The following B4GALNT3 variants were observed in gnomAD, a reference collection of about 807,000 sequenced individuals.
The protein encoded by B4GALNT3 is beta-1,4-N-acetylgalactosaminyltransferase 3.
Under a neutral mutation model 120.2 loss-of-function variants are expected in B4GALNT3, and 86 were observed. That is an observed-to-expected ratio of 0.72 (90% CI 0.60 to 0.86). The LOEUF (loss-of-function observed/expected upper bound fraction) is 0.86. B4GALNT3 is among the 40% of genes least tolerant of loss of function. B4GALNT3 has a pLI of 0.00. For synonymous variants in B4GALNT3, 518 were observed against 510.4 expected, an observed-to-expected ratio of 1.01 and a Z score of -0.20; for missense variants, 1,167 against 1,298.9, an observed-to-expected ratio of 0.90 and a Z score of 1.56.
At chr12:557,927 ACAT>A in intron 16 of B4GALNT3, 86 bp from the exon 17 acceptor site, 1 of 1,507,302 alleles carries the variant, frequency 6.6e-7, no homozygotes, top group Non-Finnish European at 9.2e-7. Flanking sequence ...CCAGGAGCAC[ACAT>A]CATCTCTCTT....
chr12:546,677 T>G lies in B4GALNT3; in HGVS notation c.671T>G (p.Phe224Cys). ...TGKEWTAPGE[F>C]GKFRSQISKP... is the part of the protein sequence containing the mutation. ...AAGGAGTGGACCGCCCCGGGAGAGT[T>G]TGGGAAATTTCGGAGCCAAATTTCC... The change falls in exon 7 of 20, where the codon TTT becomes TGT. Residue 224 changes from phenylalanine (F) to cysteine (C), a missense_variant. This residue lies in a region of B4GALNT3 where 983 missense variants were observed against 1,102.5 expected (regional missense o/e 0.89). Transcript: ENST00000266383. The G allele has an allele frequency of 6.4e-7, 1 of 1,551,530 alleles. No homozygotes were observed. The highest frequency in any genetic ancestry group is 2.4e-5 in the East Asian group (1 of 40,916).
intron 1 of B4GALNT3, among the ~76,000 whole-genome samples, chr12:511,754 T>TC (rs1443067607): frequency 3.3e-4 from 15 of 45,612 alleles, no homozygotes; most frequent in Admixed American, 4.2e-4. Flanking sequence ...CCTTCCACCT[T>TC]CTTCCACCTT....
At chr12:511,905 C>T (rs1262100208) in intron 1 of B4GALNT3, among the ~76,000 whole-genome samples, 1 of 128,820 alleles carries the variant, frequency 7.8e-6, no homozygotes. Context: ...CCACCTTCCG[C>T]CTTCGACCTT....
chr12:523,423 C>T (rs748124), intron 1 of B4GALNT3, among the ~76,000 whole-genome samples: 22,644 of 152,154 alleles, frequency 0.15, 2,685 homozygotes, highest in East Asian at 0.41. Flanking sequence ...ATTTATACAG[C>T]GAGAATCTAA....
intron 1 of B4GALNT3, among the ~76,000 whole-genome samples, chr12:477,394 C>T (rs1565588947): frequency 6.6e-6 from 1 of 152,312 alleles, no homozygotes; most frequent in South Asian, 2.1e-4. Context: ...GTTCCCAACT[C>T]AGCTGCCTTT....
At chr12:546,821 C>A in intron 7 of B4GALNT3, 108 bp downstream of exon 7, 1 of 1,123,822 alleles carries the variant, frequency 8.9e-7, no homozygotes, top group Non-Finnish European at 1.3e-6. Context: ...TCCGTGTGTC[C>A]GGCACCCACA....
chr12:553,110 C>G (rs12423080), intron 13 of B4GALNT3, 84 bp from the exon 14 acceptor site: 2 of 1,548,686 alleles, frequency 1.3e-6, no homozygotes, highest in East Asian at 4.5e-5. Flanking sequence ...GTGCGTCACA[C>G]GTATGATCAT....
intron 1 of B4GALNT3, among the ~76,000 whole-genome samples, chr12:528,785 T>C (rs1188623910): frequency 6.6e-6 from 1 of 152,188 alleles, no homozygotes; most frequent in Non-Finnish European, 1.5e-5. Context: ...TGCTTTTCCA[T>C]CCCAGGACTC....
In B4GALNT3 at chr12:548,215, C is replaced by G. The variant is rs750447539; in HGVS notation, c.787-16C>G. 11 of 1,613,504 alleles carry G rather than the reference C, an allele frequency of 6.8e-6. No individual in the cohort carries two copies. The Admixed American group carries it at 1.2e-4, about 17-fold the overall frequency. On this transcript the variant is annotated splice_polypyrimidine_tract_variant and intron_variant, in intron 8 of 19. Transcript: ENST00000266383. This position sits in a 1 kb window ranked among gnomAD's most constrained non-coding sequence, Gnocchi z 4.9. ...ACCTCCCACCTTCTGCATCTACCCT[C>G]TCTCTCCTCTTCCAGTGGCGACGGA... is the stretch of plus-strand genomic sequence containing the variant.
In B4GALNT3 at chr12:460,662, C is replaced by T. The variant is rs1432157216; in HGVS notation, c.169+117C>T. The stretch of plus-strand genomic sequence containing the variant: ...GACCCGATTTCCCACCCATTTCTCC[C>T]TCAGGTGCCCGGCGTCGCCCCGCGC... On this transcript the variant is annotated intron_variant, in intron 1 of 19. Coordinates refer to ENST00000266383, the MANE Select transcript of B4GALNT3 (RefSeq NM_173593.4). This position sits in a 1 kb window ranked among gnomAD's most constrained non-coding sequence, Gnocchi z 8.0. The T allele has an allele frequency of 9.5e-7, 1 of 1,051,316 alleles. No individual in the cohort carries two copies. The highest frequency in any genetic ancestry group is 3.3e-5 in the East Asian group (1 of 30,392). The allele number at this position is 1,051,316 out of a possible 1,614,324, so 65.1% of individuals were successfully genotyped here. A position where few individuals can be genotyped will look rare whatever the true frequency, so the allele number is the denominator to read the frequency against.
rs1185805341 is a variant in B4GALNT3 at position 512,741 on chromosome 12, GACCTTCCACCTTCC to G, written c.170-22417_170-22404del. ...CCACCTTCCACCTTCTTCCACCTTT[GACCTTCCACCTTCC>G]ACCTTCCGCCTTCCGCCTTCTGCCT... On this transcript the variant is annotated intron_variant, in intron 1 of 19. Transcript: ENST00000266383. 6.3e-3 allele frequency among the ~76,000 whole-genome samples: 264 copies of G among 41,852 alleles called. 2 individuals are homozygous for G. Among genetic ancestry groups the G allele is most frequent in the African/African-American group, 0.026 (241 of 9,340 alleles). The allele number at this position is 41,852 out of a possible 152,430, so 27.5% of individuals were successfully genotyped here. A position where few individuals can be genotyped will look rare whatever the true frequency, so the allele number is the denominator to read the frequency against.
intron 1 of B4GALNT3, among the ~76,000 whole-genome samples, chr12:499,499 C>T (rs1347302692): frequency 2.3e-5 from 3 of 129,308 alleles, no homozygotes; most frequent in Middle Eastern, 7.8e-3. Flanking sequence ...CCGTGGAGCC[C>T]GTGCTCTCAC....
chr12:460,527 G>T lies in B4GALNT3; in HGVS notation c.151G>T (p.Gly51Trp), dbSNP rs1276684119. The T allele has an allele frequency of 2.6e-6, 4 of 1,536,708 alleles. No homozygotes were observed. In the Admixed American group the frequency reaches 5.6e-5, roughly 22 times the overall value. ...ACTGGTGGCGTCGGCCCAGGTCGGCGGGAACCCCCTGAACCGGAGTAAGTA... is the reference window on the plus strand; with the variant it reads ...ACTGGTGGCGTCGGCCCAGGTCGGCTGGAACCCCCTGAACCGGAGTAAGTA... ...LELVASAQVGGNPLNRRYGSW... is the reference protein window; with the variant it reads ...LELVASAQVGWNPLNRRYGSW... Residue 51 changes from glycine (G) to tryptophan (W), a missense_variant, in exon 1 of 20, where the codon GGG (glycine) becomes TGG (tryptophan). Gly to Trp is a radical substitution (Grantham distance 184). Coordinates refer to ENST00000266383, the MANE Select transcript of B4GALNT3 (RefSeq NM_173593.4). This position sits in a 1 kb window ranked among gnomAD's most constrained non-coding sequence, Gnocchi z 8.0.
In B4GALNT3 at chr12:552,349, C is replaced by T. The variant is rs1171616925; in HGVS notation, c.1209-118C>T. 4.7e-6 allele frequency: 5 copies of T among 1,061,106 alleles called. No homozygotes were observed. The East Asian group carries it at 1.2e-4, about 26-fold the overall frequency. 65.7% of individuals were successfully genotyped at this position (1,061,106 alleles called of 1,614,324 possible). A position where few individuals can be genotyped will look rare whatever the true frequency, so the allele number is the denominator to read the frequency against. On this transcript the variant is annotated intron_variant, in intron 12 of 19. Coordinates refer to ENST00000266383, the MANE Select transcript of B4GALNT3 (RefSeq NM_173593.4). The stretch of plus-strand genomic sequence containing the variant: ...CACACACACACACCCGCTCACCAGC[C>T]TCCTTCCTCCACTCTAGTCTGGGGC...
chr12:558,096 G>C lies in B4GALNT3; in HGVS notation c.2607+8G>C, dbSNP rs760272679. 7.4e-6 allele frequency: 12 copies of C among 1,613,422 alleles called. No individual in the cohort carries two copies. In the South Asian group the frequency reaches 1.3e-4, roughly 18 times the overall value. On this transcript the variant is annotated splice_region_variant and intron_variant, in intron 17 of 19. Coordinates refer to ENST00000266383, the MANE Select transcript of B4GALNT3 (RefSeq NM_173593.4). ...GGCATAGACCTCGTGAAGGTAAAGG[G>C]CCTGGATGGGGCCTGCGAGATGGAA...
rs1946206149 is a variant in B4GALNT3 at position 478,479 on chromosome 12, G to A, written c.169+17934G>A. Among the ~76,000 whole-genome samples the A allele has an allele frequency of 2.6e-5, 4 of 152,108 alleles. No individual in the cohort carries two copies. In the South Asian group the frequency reaches 8.3e-4, roughly 32 times the overall value. On this transcript the variant is annotated intron_variant, in intron 1 of 19. Coordinates refer to ENST00000266383, the MANE Select transcript of B4GALNT3 (RefSeq NM_173593.4). ...GATTGAAGCAAGAGCTATCAAATTGGAAGTCAACATTTACCATTTTGAGAA... is the reference window on the plus strand; with the variant it reads ...GATTGAAGCAAGAGCTATCAAATTGAAAGTCAACATTTACCATTTTGAGAA...
At chr12:465,269 T>C (rs1226808823) in intron 1 of B4GALNT3, among the ~76,000 whole-genome samples, 1 of 152,186 alleles carries the variant, frequency 6.6e-6, no homozygotes, top group African/African-American at 2.4e-5. Flanking sequence ...ACCAGGCTAC[T>C]ATGTGTGTCT....
intron 1 of B4GALNT3, among the ~76,000 whole-genome samples, chr12:479,101 G>A (rs2120463985): frequency 6.6e-6 from 1 of 152,342 alleles, no homozygotes; most frequent in East Asian, 1.9e-4. Context: ...GCTCCAGGTA[G>A]GGGATGTAGC....
At position 561,383 on chromosome 12, in the gene B4GALNT3, A is replaced by G. The variant is rs1200059247; in HGVS notation, c.2929A>G (p.Arg977Gly). The G allele has an allele frequency of 1.2e-6, 2 of 1,613,924 alleles. No individual in the cohort carries two copies. The highest frequency in any genetic ancestry group is 2.7e-5 in the African/African-American group (2 of 74,938). Residue 977 changes from arginine (R) to glycine (G), a missense_variant, in exon 20 of 20, where the codon AGG becomes GGG. By Grantham distance (125) the Arg-to-Gly change is moderately radical. Transcript: ENST00000266383. ...AGLDVERLSL[R>G]NFFHHFHSKR... ...CCTGGACGTGGAGCGTCTCTCCCTC[A>G]GGAATTTCTTCCATCATTTCCATTC...
Sources: gnomAD v4.1 joint callset for allele counts (sites outside exome capture counted in the v4.1 genomes callset) on GRCh38, gnomAD v4.1.1 for gene constraint, gnomAD v4.1.1 regional missense constraint, Gnocchi (gnomAD v3.1) non-coding constraint, MANE v1.5 for transcripts, NCBI Gene and HGNC (gene_info 2026-07-23, HGNC 2026-07-21) for gene names.